The following SLC6A13 variants were observed in gnomAD, a reference collection of about 807,000 sequenced individuals.
The protein encoded by SLC6A13 is sodium- and chloride-dependent GABA transporter 2.
In SLC6A13, 69 loss-of-function variants were observed where a neutral mutation model predicts 72.9. That is an observed-to-expected ratio of 0.95 (90% CI 0.78 to 1.16). The LOEUF (loss-of-function observed/expected upper bound fraction) is 1.16. Among genes scored for constraint, SLC6A13 ranks in the 50% most tolerant of loss-of-function variants. The probability of loss-of-function intolerance (pLI) is 0.00; values close to 1 mark genes in which losing one functional copy is unlikely to be tolerated. For missense variants in SLC6A13, 735 were observed against 760.5 expected, an observed-to-expected ratio of 0.97 and a Z score of 0.39; for synonymous variants, 303 against 303.0, an observed-to-expected ratio of 1.00 and a Z score of 0.00.
chr12:223,196 C>T lies in SLC6A13; in HGVS notation c.1350G>A (p.Ala450=), dbSNP rs2289954. Residue 450 remains alanine (A), a synonymous_variant, in exon 12 of 15, where the codon GCG becomes GCA. Coordinates refer to ENST00000343164, the MANE Select transcript of SLC6A13 (RefSeq NM_016615.5). The part of the protein sequence containing the change: ...MYVFQLFDYY[A]ASGMCLLFVA... ...CGAACAGGAGGCACATGCCACTGGC[C>T]GCATAGTAGTCAAAGAGCTGGAACA... 0.19 allele frequency: 312,462 copies of T among 1,611,478 alleles called. 31,412 individuals carry two copies. Among genetic ancestry groups the T allele is most frequent in the African/African-American group, 0.23 (17,417 of 74,834 alleles).
chr12:232,498 G>T (rs1330209686), intron 7 of SLC6A13, among the ~76,000 whole-genome samples: 1 of 152,214 alleles, frequency 6.6e-6, no homozygotes, highest in East Asian at 1.9e-4. Context: ...ACAAAACAAA[G>T]ATACCCTTTG....
Position 224,075 on chromosome 12 carries a change from A to C in SLC6A13, c.1228T>G (p.Phe410Val), listed in dbSNP as rs1941332789. 3 of 1,614,044 alleles carry C rather than the reference A, an allele frequency of 1.9e-6. No homozygotes were observed. Among genetic ancestry groups the C allele is most frequent in the Non-Finnish European group, 2.5e-6 (3 of 1,179,958 alleles). Residue 410 changes from phenylalanine (F) to valine (V), a missense_variant, in exon 11 of 15, where the codon TTC becomes GTC. Transcript: ENST00000343164. Reference sequence around the variant, plus strand: ...ACTTCCCTCCGGTTCTTCTTGCGGAACACGTGAGGGTACATGTCCACCAGC... The same window carrying C: ...ACTTCCCTCCGGTTCTTCTTGCGGACCACGTGAGGGTACATGTCCACCAGC... Reference protein sequence around the residue: ...TALVDMYPHVFRKKNRREVLI... With the variant: ...TALVDMYPHVVRKKNRREVLI...
intron 2 of SLC6A13, among the ~76,000 whole-genome samples, chr12:245,114 A>G (rs1284635747): frequency 6.6e-6 from 1 of 152,242 alleles, no homozygotes; most frequent in East Asian, 1.9e-4. Flanking sequence ...CCAACTGAGT[A>G]CTAGTCAGTG....
rs1296152854 is a variant in SLC6A13, at chr12:237,374, C to T, written c.564-84G>A. Reference sequence around the variant, plus strand: ...CCGTCCTGGGACAGTGGAGCTGAGCCTGCCTCCAGGCTCTTGTCCAAAGGC... The same window carrying T: ...CCGTCCTGGGACAGTGGAGCTGAGCTTGCCTCCAGGCTCTTGTCCAAAGGC... On this transcript the variant is annotated intron_variant, in intron 5 of 14. Coordinates refer to ENST00000343164, the MANE Select transcript of SLC6A13 (RefSeq NM_016615.5). The T allele has an allele frequency of 2.7e-6, 4 of 1,488,072 alleles. No homozygotes were observed. The Admixed American group carries it at 7.2e-5, about 27-fold the overall frequency. 92.2% of individuals were successfully genotyped at this position (1,488,072 alleles called of 1,614,324 possible).
At chr12:244,603 T>C (rs1470479681) in intron 2 of SLC6A13, among the ~76,000 whole-genome samples, 4 of 152,050 alleles carry the variant, frequency 2.6e-5, no homozygotes, top group Non-Finnish European at 5.9e-5. Context: ...GGTGGGAGGA[T>C]TGATTAAACC....
At chr12:231,885 A>C (rs1284365622) in intron 7 of SLC6A13, among the ~76,000 whole-genome samples, 2 of 152,240 alleles carry the variant, frequency 1.3e-5, no homozygotes, top group South Asian at 4.1e-4. Context: ...TGAATGAATA[A>C]GCTGTGAGAG....
At chr12:242,569 T>C (rs1283426354) in intron 4 of SLC6A13, 45 bp downstream of exon 4, 2 of 1,582,098 alleles carry the variant, frequency 1.3e-6, no homozygotes, top group Non-Finnish European at 1.7e-6. Flanking sequence ...CCGGTTAATG[T>C]GGCAGAACGA....
At chr12:262,464 C>A (rs556192117) in intron 1 of SLC6A13, among the ~76,000 whole-genome samples, 1 of 152,266 alleles carries the variant, frequency 6.6e-6, no homozygotes, top group Non-Finnish European at 1.5e-5. Flanking sequence ...TTTTTGTTTT[C>A]TTTCAGTCCT....
chr12:239,534 T>C (rs143297222), intron 4 of SLC6A13, among the ~76,000 whole-genome samples: 60 of 152,298 alleles, frequency 3.9e-4, no homozygotes, highest in African/African-American at 1.4e-3. Flanking sequence ...ATCCCACCCA[T>C]GAAACTCACA....
At position 227,567 on chromosome 12, in the gene SLC6A13, G is replaced by C; in HGVS notation, c.933C>G (p.Tyr311Ter). 1 of 1,613,978 alleles carries C rather than the reference G, an allele frequency of 6.2e-7. No homozygotes were observed. The highest frequency in any genetic ancestry group is 8.5e-7 in the Non-Finnish European group (1 of 1,179,920). ...TCAGGCCCCACGCCCCCAATCACCTGTAGCAGTTGTTGTGGTACTTGTTGT... is the reference window on the plus strand; with the variant it reads ...TCAGGCCCCACGCCCCCAATCACCTCTAGCAGTTGTTGTGGTACTTGTTGT... ...GSYNKYHNNCYRDCIALCFLN... is the reference protein window; with the variant it reads ...GSYNKYHNNC Residue 311 changes from tyrosine to a stop codon, truncating the protein, a stop_gained and splice_region_variant, in exon 8 of 15, where the codon TAC becomes TAG. Coordinates refer to ENST00000343164, the MANE Select transcript of SLC6A13 (RefSeq NM_016615.5). LOFTEE classifies it high-confidence loss of function.
At position 222,609 on chromosome 12, in the gene SLC6A13, T is replaced by C. The variant is rs1169109330; in HGVS notation, c.1438A>G (p.Ile480Val). The change falls in exon 13 of 15, where the codon ATC (isoleucine) becomes GTC (valine). Residue 480 changes from isoleucine to valine, a missense_variant. Coordinates refer to ENST00000343164, the MANE Select transcript of SLC6A13 (RefSeq NM_016615.5). ...GGCCTGTACCCAATCATGTCTTCGA[T>C]GTTGTCGTAGAAGCGCTTGGCTCCT... Reference protein sequence around the residue: ...VYGAKRFYDNIEDMIGYRPWP... With the variant: ...VYGAKRFYDNVEDMIGYRPWP... 5.0e-6 allele frequency: 8 copies of C among 1,608,990 alleles called. No homozygotes were observed. Among genetic ancestry groups the C allele is most frequent in the South Asian group, 3.3e-5 (3 of 90,040 alleles).
intron 11 of SLC6A13, 166 bp downstream of exon 11, chr12:223,826 A>C: frequency 1.4e-6 from 1 of 714,230 alleles, no homozygotes; most frequent in Non-Finnish European, 2.3e-6. Context: ...CAGAGGAGGG[A>C]CCTGCCTACT....
chr12:238,223 G>A (rs1211038661), intron 4 of SLC6A13: 1 of 1,520,386 alleles, frequency 6.6e-7, no homozygotes, highest in Non-Finnish European at 8.8e-7. Context: ...TGGGTACATA[G>A]ATGCTTGGGT....
intron 6 of SLC6A13, 52 bp downstream of exon 6, chr12:237,106 C>T: frequency 6.2e-7 from 1 of 1,601,374 alleles, no homozygotes; most frequent in Non-Finnish European, 8.5e-7. Flanking sequence ...TGACAGCCCC[C>T]AGTGAGGGCA....
chr12:239,959 G>T (rs1456753601), intron 4 of SLC6A13, among the ~76,000 whole-genome samples: 2 of 152,148 alleles, frequency 1.3e-5, no homozygotes, highest in Non-Finnish European at 2.9e-5. Context: ...GGTATTTAAT[G>T]TGCCTCAGAA....
intron 4 of SLC6A13, among the ~76,000 whole-genome samples, chr12:238,769 G>A (rs1565498788): frequency 1.3e-5 from 2 of 152,110 alleles, no homozygotes; most frequent in East Asian, 1.9e-4. Flanking sequence ...TGGAACCCAG[G>A]TCAGCAAATT....
intron 2 of SLC6A13, among the ~76,000 whole-genome samples, chr12:248,991 C>T (rs1565505320): frequency 1.3e-5 from 2 of 152,130 alleles, no homozygotes; most frequent in Non-Finnish European, 2.9e-5. Flanking sequence ...GGAAAATTGC[C>T]ACCTATTTGG....
At chr12:246,257 GC>G (rs1942345919) in intron 2 of SLC6A13, among the ~76,000 whole-genome samples, 1 of 152,134 alleles carries the variant, frequency 6.6e-6, no homozygotes, top group African/African-American at 2.4e-5. Context: ...GATGGAGGTT[GC>G]AGTGAACCGA....
In SLC6A13 at chr12:223,996, G is replaced by A. The variant is rs748043857; in HGVS notation, c.1307C>T (p.Thr436Ile). 4.3e-6 allele frequency: 7 copies of A among 1,611,696 alleles called. No individual in the cohort carries two copies. In the South Asian group the frequency reaches 7.7e-5, roughly 18 times the overall value. Residue 436 changes from threonine (T) to isoleucine (I), a missense_variant, in exon 11 of 15, where the codon ACA becomes ATA. Thr to Ile is a moderately conservative substitution (Grantham distance 89). Transcript: ENST00000343164. Reference protein sequence around the residue: ...VSFLVGLIMLTEGGMYVFQLF... With the variant: ...VSFLVGLIMLIEGGMYVFQLF... ...CCCCGCTTCCCAGGCCCTCACCTCT[G>A]TGAGCATGATCAGCCCCACAAGGAA...
Sources: allele counts gnomAD v4.1 joint callset (sites outside exome capture counted in the v4.1 genomes callset), GRCh38; gene constraint gnomAD v4.1.1; transcripts MANE v1.5; gene names NCBI Gene and HGNC (gene_info 2026-07-23, HGNC 2026-07-21).